Variants in BIRC6 observed in about 807,000 individuals in gnomAD.
The protein encoded by BIRC6 is baculoviral IAP repeat containing 6.
BIRC6 carries 98 observed loss-of-function variants against 503.3 expected under a neutral mutation model. That is an observed-to-expected ratio of 0.19 (90% CI 0.17 to 0.23). The LOEUF (loss-of-function observed/expected upper bound fraction) is 0.23. Among genes scored for constraint, BIRC6 ranks in the 10% least tolerant of loss-of-function variants. The pLI, the probability that BIRC6 is intolerant of heterozygous loss-of-function variation, is 1.00. For missense variants in BIRC6, 5,360 were observed against 5,806.0 expected (o/e 0.92, Z 2.50); for synonymous variants, 2,240 against 2,078.7 (o/e 1.08, Z -2.11).
In BIRC6 at chr2:32,545,803, C is replaced by G. The variant is rs766833936; in HGVS notation, c.12753C>G (p.Leu4251=). The G allele has an allele frequency of 1.2e-5, 20 of 1,613,812 alleles. No individual in the cohort carries two copies. Among genetic ancestry groups the G allele is most frequent in the Admixed American group, 1.7e-5 (1 of 59,994 alleles). The change falls in exon 63 of 74, where the codon CTC becomes CTG. Residue 4251 remains leucine (L), a synonymous_variant. Coordinates refer to ENST00000421745, the MANE Select transcript of BIRC6 (RefSeq NM_016252.4). ...IGALHLILVC[L]SALSHHSPRV... ...CCTTACACCTCATTCTTGTCTGTCT[C>G]TCTGCTTTGAGCCACCATTCCCCAC...
chr2:32,537,464 C>T (rs1231871879), intron 61 of BIRC6, among the ~76,000 whole-genome samples: 2 of 152,094 alleles, frequency 1.3e-5, no homozygotes, highest in African/African-American at 2.4e-5. Context: ...AAACTCACTA[C>T]AATTTCAAAA....
At chr2:32,530,088 T>G (rs2056604648) in intron 60 of BIRC6, among the ~76,000 whole-genome samples, 1 of 152,234 alleles carries the variant, frequency 6.6e-6, no homozygotes, top group South Asian at 2.1e-4. Context: ...AATTGTCATT[T>G]TATAATAAAA....
At chr2:32,365,713 G>A (rs1011817388) in intron 1 of BIRC6, among the ~76,000 whole-genome samples, 28 of 151,950 alleles carry the variant, frequency 1.8e-4, no homozygotes, top group Non-Finnish European at 3.7e-4. Flanking sequence ...AACTACCTTG[G>A]CCATGATTCC....
At chr2:32,556,947 A>G (rs200483115) in intron 65 of BIRC6, among the ~76,000 whole-genome samples, 1 of 151,776 alleles carries the variant, frequency 6.6e-6, no homozygotes, top group Middle Eastern at 3.2e-3. Context: ...TCAAAAAACA[A>G]AAAGAAAGAA....
At chr2:32,494,469 G>A (rs922032587) in intron 45 of BIRC6, among the ~76,000 whole-genome samples, 20 of 151,196 alleles carry the variant, frequency 1.3e-4, no homozygotes, top group Admixed American at 6.6e-4. Context: ...CTCGTGATCC[G>A]CCCGCCTCAG....
intron 1 of BIRC6, among the ~76,000 whole-genome samples, chr2:32,369,142 T>C (rs948168940): frequency 6.6e-6 from 1 of 151,880 alleles, no homozygotes; most frequent in Non-Finnish European, 1.5e-5. Flanking sequence ...ACATTTCTGT[T>C]TGTCTGTTAT....
At chr2:32,422,663 T>C (rs1041293916) in intron 10 of BIRC6, among the ~76,000 whole-genome samples, 2 of 152,206 alleles carry the variant, frequency 1.3e-5, no homozygotes, top group African/African-American at 4.8e-5. Context: ...ACATATTTTA[T>C]TGATTTTGCT....
chr2:32,505,342 A>AAAT, intron 50 of BIRC6, 137 bp downstream of exon 50: 1 of 689,732 alleles, frequency 1.4e-6, no homozygotes, highest in African/African-American at 1.8e-5. Flanking sequence ...GTTTTTATTG[A>AAAT]AATAATTAAT....
intron 1 of BIRC6, among the ~76,000 whole-genome samples, chr2:32,361,290 A>G (rs1360519247): frequency 6.6e-6 from 1 of 152,252 alleles, no homozygotes; most frequent in South Asian, 2.1e-4. Flanking sequence ...TATAACAATG[A>G]GTATATTAGT....
intron 40 of BIRC6, among the ~76,000 whole-genome samples, chr2:32,487,352 C>T (rs2051122101): frequency 6.6e-6 from 1 of 152,074 alleles, no homozygotes; most frequent in Non-Finnish European, 1.5e-5. Flanking sequence ...TTTACTTTCC[C>T]TCCTTTATTA....
chr2:32,447,631 G>T (rs1415042974), intron 21 of BIRC6, among the ~76,000 whole-genome samples: 1 of 120,842 alleles, frequency 8.3e-6, no homozygotes, highest in Admixed American at 7.6e-5. Context: ...CCTCCCGGAC[G>T]GCGCGGCTGG....
chr2:32,429,017 T>C, intron 10 of BIRC6, 129 bp from the exon 11 acceptor site: 1 of 787,394 alleles, frequency 1.3e-6, no homozygotes, highest in Non-Finnish European at 1.8e-6. Flanking sequence ...CTCTTGGAAA[T>C]ACATCACATT....
chr2:32,377,765 C>A lies in BIRC6; in HGVS notation c.503C>A (p.Thr168Lys). 6.2e-7 allele frequency: 1 copy of A among 1,610,588 alleles called. No homozygotes were observed. Among genetic ancestry groups the A allele is most frequent in the Non-Finnish European group, 8.5e-7 (1 of 1,178,472 alleles). The change falls in exon 2 of 74, where the codon ACA (threonine) becomes AAA (lysine). Residue 168 changes from threonine to lysine, a missense_variant. Physicochemically the swap from Thr to Lys is moderately conservative, Grantham distance 78. Transcript: ENST00000421745. ...DDVVQLELPV[T>K]EAQQLLSACL... Reference sequence around the variant, plus strand: ...GTGGTTCAGCTTGAATTACCCGTTACAGAGGTAAGTTGAAATAAGTATCAA... The same window carrying A: ...GTGGTTCAGCTTGAATTACCCGTTAAAGAGGTAAGTTGAAATAAGTATCAA...
chr2:32,597,764 G>A lies in BIRC6; in HGVS notation c.13626G>A (p.Met4542Ile). Reference protein sequence around the residue: ...MKKLQFDTFEMVSEDEDGKLG... With the variant: ...MKKLQFDTFEIVSEDEDGKLG... The stretch of plus-strand genomic sequence containing the variant: ...TTCTCCTTTTAGATACGTTTGAAAT[G>A]GTTTCTGAAGATGAAGATGGGAAAT... The change falls in exon 69 of 74, where the codon ATG (methionine) becomes ATA (isoleucine). Residue 4542 changes from methionine to isoleucine, a missense_variant. Physicochemically the swap from Met to Ile is conservative, Grantham distance 10. This residue lies in a region of BIRC6 where 477 missense variants were observed against 574.4 expected (regional missense o/e 0.83). Transcript: ENST00000421745. The A allele has an allele frequency of 6.2e-7, 1 of 1,611,546 alleles. No individual in the cohort carries two copies. The highest frequency in any genetic ancestry group is 8.5e-7 in the Non-Finnish European group (1 of 1,177,794).
At position 32,499,726 on chromosome 2, in the gene BIRC6, C is replaced by G; in HGVS notation, c.8648C>G (p.Ser2883Ter). The change falls in exon 46 of 74, where the codon TCA (serine) becomes TGA (stop). Residue 2883 changes from serine (S) to a stop codon, truncating the protein, a stop_gained. Transcript: ENST00000421745. LOFTEE classifies it high-confidence loss of function. ...CSDKVMSRSG[S>*]DSSVGARACF... ...GACAAAGTAATGTCAAGAAGTGGAT[C>G]AGATAGCTCCGTGGGTGCTCGAGCA... 6.2e-7 allele frequency: 1 copy of G among 1,614,004 alleles called. No individual in the cohort carries two copies. The highest frequency in any genetic ancestry group is 8.5e-7 in the Non-Finnish European group (1 of 1,179,884).
rs35744882 is a variant in BIRC6, at chr2:32,599,021, C to CAAAAA, written c.13831-697_13831-693dup. On this transcript the variant is annotated intron_variant, in intron 69 of 73. Transcript: ENST00000421745. ...TGGGCGGTGGAGTGAAACTCCATCT[C>CAAAAA]AAAAAAAAAAAAAAAAAAAAAAAAA... is the stretch of plus-strand genomic sequence containing the variant. Among the ~76,000 whole-genome samples, 41 of 27,798 alleles carry CAAAAA rather than the reference C, an allele frequency of 1.5e-3. 1 individual carries two copies. The highest frequency in any genetic ancestry group is 3.5e-3 in the South Asian group (2 of 576). 18.2% of individuals were successfully genotyped at this position (27,798 alleles called of 152,430 possible).
chr2:32,541,473 G>C (rs570142015), intron 61 of BIRC6, among the ~76,000 whole-genome samples: 1 of 152,134 alleles, frequency 6.6e-6, no homozygotes, highest in African/African-American at 2.4e-5. Context: ...GTAAAAGAAG[G>C]AAGAAATAGT....
chr2:32,583,807 T>C (rs528604356), intron 66 of BIRC6, among the ~76,000 whole-genome samples: 2 of 152,308 alleles, frequency 1.3e-5, no homozygotes, highest in East Asian at 3.9e-4. Context: ...CTTGGCTCAC[T>C]GCAGCCTCCA....
Position 32,479,470 on chromosome 2 carries a change from C to T in BIRC6, c.7261C>T (p.Leu2421=). The change falls in exon 37 of 74, where the codon CTG becomes TTG. Residue 2421 remains leucine, a synonymous_variant. Transcript: ENST00000421745. ...TATCCCCTTACATACAGGAGAATTA[C>T]TGGCTCCAGTAGCCGCAGAAGCCAT... ...MLQDILAGEL[L]APVAAEAMEE... The T allele has an allele frequency of 1.9e-6, 3 of 1,598,644 alleles. No homozygotes were observed. The highest frequency in any genetic ancestry group is 2.6e-6 in the Non-Finnish European group (3 of 1,171,956).
Sources: gnomAD v4.1 joint callset for allele counts (sites outside exome capture counted in the v4.1 genomes callset) on GRCh38, gnomAD v4.1.1 for gene constraint, gnomAD v4.1.1 regional missense constraint, MANE v1.5 for transcripts, NCBI Gene and HGNC (gene_info 2026-07-23, HGNC 2026-07-21) for gene names.